Variants in ARHGAP44 observed in about 807,000 individuals in gnomAD.
The protein encoded by ARHGAP44 is rho GTPase-activating protein 44.
In ARHGAP44, 43 loss-of-function variants were observed where a neutral mutation model predicts 106.8. The ratio of observed to expected loss-of-function variants is 0.40; its 90% CI spans 0.32 to 0.52. The LOEUF (loss-of-function observed/expected upper bound fraction) is 0.52. Among genes scored for constraint, ARHGAP44 ranks in the 20% least tolerant of loss-of-function variants. ARHGAP44 has a pLI of 0.48. For synonymous variants in ARHGAP44, 439 were observed against 410.3 expected, an observed-to-expected ratio of 1.07 and a Z score of -0.85; for missense variants, 866 against 1,050.5, an observed-to-expected ratio of 0.82 and a Z score of 2.43.
At chr17:12,973,646 G>A (rs1282405967) in intron 17 of ARHGAP44, 5 of 487,804 alleles carry the variant, frequency 1.0e-5, no homozygotes, top group East Asian at 3.6e-5. Context: ...TCAGTTCCAC[G>A]CTCCCCCCTT....
chr17:12,866,584 A>G (rs1281095139), intron 1 of ARHGAP44, among the ~76,000 whole-genome samples: 2 of 152,214 alleles, frequency 1.3e-5, no homozygotes, highest in Non-Finnish European at 2.9e-5. Context: ...AAAGATTACC[A>G]AGAGAGAAAC....
intron 7 of ARHGAP44, among the ~76,000 whole-genome samples, chr17:12,930,263 C>T (rs1171545960): frequency 6.7e-6 from 1 of 149,052 alleles, no homozygotes; most frequent in Non-Finnish European, 1.5e-5. Flanking sequence ...GGCAGAGTTT[C>T]GTTCTTGTTG....
chr17:12,980,240 C>T lies in ARHGAP44; in HGVS notation c.1939+7C>T. On this transcript the variant is annotated splice_region_variant and intron_variant, in intron 19 of 20. Coordinates refer to ENST00000379672, the MANE Select transcript of ARHGAP44 (RefSeq NM_014859.6). The stretch of plus-strand genomic sequence containing the variant: ...CCTCACACCCTCCGGAAAGGTATGG[C>T]CCTGCTTCCCTTCTCCTTGGTCTCA... 1 of 1,599,118 alleles carries T rather than the reference C, an allele frequency of 6.3e-7. No homozygotes were observed. The highest frequency in any genetic ancestry group is 8.5e-7 in the Non-Finnish European group (1 of 1,171,938).
intron 4 of ARHGAP44, among the ~76,000 whole-genome samples, chr17:12,914,910 A>G (rs2037860075): frequency 6.6e-6 from 1 of 152,248 alleles, no homozygotes; most frequent in South Asian, 2.1e-4. Flanking sequence ...AAGCAGCAGT[A>G]TTATATATTG....
At chr17:12,943,530 A>G (rs1009414295) in intron 8 of ARHGAP44, 58 bp from the exon 9 acceptor site, 1 of 1,555,614 alleles carries the variant, frequency 6.4e-7, no homozygotes, top group South Asian at 1.1e-5. Context: ...TTTGCATGCC[A>G]TGGCAGCCTG....
At chr17:12,950,539 G>A (rs2038968498) in intron 12 of ARHGAP44, among the ~76,000 whole-genome samples, 1 of 152,164 alleles carries the variant, frequency 6.6e-6, no homozygotes, top group Admixed American at 6.6e-5. Context: ...TATTTCCTCG[G>A]TTATGCGTGC....
intron 20 of ARHGAP44, chr17:12,988,101 C>T (rs2040005839): frequency 6.6e-6 from 1 of 152,182 alleles, no homozygotes; most frequent in African/African-American, 2.4e-5. Context: ...GCCACTGTGT[C>T]CCTTTTCCCA....
At chr17:12,951,985 C>T (rs1433654855) in intron 12 of ARHGAP44, among the ~76,000 whole-genome samples, 4 of 152,264 alleles carry the variant, frequency 2.6e-5, no homozygotes, top group African/African-American at 7.2e-5. Context: ...GCCAACTCAG[C>T]AGGACACAGA....
chr17:12,949,432 C>T lies in ARHGAP44; in HGVS notation c.973+181C>T, dbSNP rs753157805. 1.2e-4 allele frequency among the ~76,000 whole-genome samples: 18 copies of T among 152,160 alleles called. No homozygotes were observed. The highest frequency in any genetic ancestry group is 3.9e-4 in the Admixed American group (6 of 15,280). The stretch of plus-strand genomic sequence containing the variant: ...CTGGCCCCTTGAAGGAAGGCCTCCC[C>T]GCATGCCAAGGGAAGACGAGGTAAT... On this transcript the variant is annotated intron_variant, in intron 11 of 20. Transcript: ENST00000379672. The surrounding 1 kb of genome is among the most constrained non-coding windows in gnomAD (Gnocchi z 4.1).
chr17:12,940,828 A>G (rs1367116456), intron 7 of ARHGAP44, among the ~76,000 whole-genome samples: 1 of 152,236 alleles, frequency 6.6e-6, no homozygotes, highest in East Asian at 1.9e-4. Context: ...CAAATGTCAA[A>G]ATCTCTGGGG....
intron 1 of ARHGAP44, among the ~76,000 whole-genome samples, chr17:12,857,117 C>G (rs1012614021): frequency 1.1e-4 from 16 of 152,106 alleles, no homozygotes; most frequent in African/African-American, 1.7e-4. Flanking sequence ...TCATACAGAC[C>G]TCTGTTCCAA....
chr17:12,877,858 T>A (rs2036603973), intron 1 of ARHGAP44, among the ~76,000 whole-genome samples: 1 of 152,244 alleles, frequency 6.6e-6, no homozygotes, highest in Non-Finnish European at 1.5e-5. Flanking sequence ...GTTCAGTGAC[T>A]TCTTGGATGG....
At chr17:12,943,933 C>G in intron 9 of ARHGAP44, 136 bp from the exon 10 acceptor site, 6 of 901,604 alleles carry the variant, frequency 6.7e-6, no homozygotes, top group Non-Finnish European at 9.4e-6. Context: ...ATCCTTAAAA[C>G]CACAGAATGG....
intron 8 of ARHGAP44, 81 bp downstream of exon 8, chr17:12,941,205 A>G (rs1598090860): frequency 7.8e-7 from 1 of 1,287,740 alleles, no homozygotes; most frequent in African/African-American, 1.5e-5. Flanking sequence ...GAGTCCCTTA[A>G]TTGATCACAT....
In ARHGAP44 at chr17:12,867,957, A is replaced by G. The variant is rs1173073088; in HGVS notation, c.54-26983A>G. Among the ~76,000 whole-genome samples, 3 of 152,192 alleles carry G rather than the reference A, an allele frequency of 2.0e-5. No homozygotes were observed. The East Asian group carries it at 5.8e-4, about 29-fold the overall frequency. ...CAGCTCCATGATTACGTTATAATCAACCCTTATAACCACAAAGGTCCCAGA... is the reference window on the plus strand; with the variant it reads ...CAGCTCCATGATTACGTTATAATCAGCCCTTATAACCACAAAGGTCCCAGA... On this transcript the variant is annotated intron_variant, in intron 1 of 20. Coordinates refer to ENST00000379672, the MANE Select transcript of ARHGAP44 (RefSeq NM_014859.6).
intron 1 of ARHGAP44, among the ~76,000 whole-genome samples, chr17:12,835,532 T>C (rs1035897831): frequency 6.6e-6 from 1 of 152,166 alleles, no homozygotes; most frequent in Non-Finnish European, 1.5e-5. Context: ...AAATGAGTAT[T>C]TGTGATTTGG....
chr17:12,852,398 A>G (rs1215926446), intron 1 of ARHGAP44, among the ~76,000 whole-genome samples: 1 of 131,994 alleles, frequency 7.6e-6, no homozygotes, highest in Non-Finnish European at 1.6e-5. Context: ...GTTTTTCTTG[A>G]TTAGTTTTCC....
intron 18 of ARHGAP44, among the ~76,000 whole-genome samples, chr17:12,974,973 C>T (rs899540042): frequency 1.4e-4 from 22 of 151,940 alleles, no homozygotes; most frequent in African/African-American, 5.3e-4. Context: ...CCTCAGCCTC[C>T]CAAGTAGCTG....
At chr17:12,802,945 ATATATATATATATATATATATATATTTTT>A (rs1167412043) in intron 1 of ARHGAP44, among the ~76,000 whole-genome samples, 612 of 15,504 alleles carry the variant, frequency 0.039, 52 homozygotes, top group African/African-American at 0.19. Context: ...ATATATATAT[ATATATATATATATATATATATATATTTTT>A]TTTTTTTTTT....
Sources: gnomAD v4.1 joint callset for allele counts (sites outside exome capture counted in the v4.1 genomes callset) on GRCh38, gnomAD v4.1.1 for gene constraint, Gnocchi (gnomAD v3.1) non-coding constraint, MANE v1.5 for transcripts, NCBI Gene and HGNC (gene_info 2026-07-23, HGNC 2026-07-21) for gene names.